Variants in FOXN3 observed in about 807,000 individuals in gnomAD.
FOXN3 encodes forkhead box N3.
Under a neutral mutation model 38.4 loss-of-function variants are expected in FOXN3, and 7 were observed. The observed-to-expected ratio is 0.18, with a 90% CI of 0.10 to 0.34. FOXN3 has a LOEUF of 0.34. Among genes scored for constraint, FOXN3 ranks in the 10% least tolerant of loss-of-function variants. The pLI is 1.00. For synonymous variants in FOXN3, 230 were observed against 242.2 expected, an observed-to-expected ratio of 0.95 and a Z score of 0.47; for missense variants, 456 against 613.4, an observed-to-expected ratio of 0.74 and a Z score of 2.71.
At chr14:89,436,685 T>C (rs1198104069) in intron 1 of FOXN3, among the ~76,000 whole-genome samples, 3 of 152,206 alleles carry the variant, frequency 2.0e-5, no homozygotes, top group African/African-American at 4.8e-5. Flanking sequence ...CAGATACCCA[T>C]GGAGAGTTAG....
intron 1 of FOXN3, among the ~76,000 whole-genome samples, chr14:89,528,410 G>GCAAAAAAAAAA (rs1894478634): frequency 1.9e-4 from 6 of 31,506 alleles, no homozygotes; most frequent in African/African-American, 7.4e-4. Flanking sequence ...TTTTTTTTTT[G>GCAAAAAAAAAA]AAAAAGAAAG....
At chr14:89,581,580 G>A (rs1053192674) in intron 1 of FOXN3, among the ~76,000 whole-genome samples, 3 of 152,044 alleles carry the variant, frequency 2.0e-5, no homozygotes, top group Non-Finnish European at 2.9e-5. Context: ...ACTATTCCCC[G>A]GTACCTGCTC....
rs187839456 is a variant in FOXN3, at chr14:89,472,160, C to T, written c.-14-59670G>A. On this transcript the variant is annotated intron_variant, in intron 1 of 6. Coordinates refer to the FOXN3 transcript ENST00000345097. Reference sequence around the variant, plus strand: ...ATCCCAGCTACTCTGGAGGCTGAGGCAGGAGAATCGCTGGAACCCAGCAGG... The same window carrying T: ...ATCCCAGCTACTCTGGAGGCTGAGGTAGGAGAATCGCTGGAACCCAGCAGG... Among the ~76,000 whole-genome samples, 74 of 151,624 alleles carry T rather than the reference C, an allele frequency of 4.9e-4. No homozygotes were observed. In the East Asian group the frequency reaches 8.6e-3, roughly 18 times the overall value.
At chr14:89,609,418 G>A (rs2139951837) in intron 1 of FOXN3, among the ~76,000 whole-genome samples, 1 of 152,176 alleles carries the variant, frequency 6.6e-6, no homozygotes, top group African/African-American at 2.4e-5. Context: ...GCCCAGGCTG[G>A]CATCAAGGTT....
chr14:89,527,704 ATT>A (rs1555358781), intron 1 of FOXN3, among the ~76,000 whole-genome samples: 2 of 118,822 alleles, frequency 1.7e-5, no homozygotes, highest in Admixed American at 7.8e-5. Flanking sequence ...ACAATGGCTA[ATT>A]TTTTTTTTTT....
At position 89,326,521 on chromosome 14, in the gene FOXN3, C is replaced by T. The variant is rs376899277; in HGVS notation, c.680+24151G>A. Among the ~76,000 whole-genome samples the T allele has an allele frequency of 4.8e-3, 730 of 152,256 alleles. 2 individuals are homozygous for T. The highest frequency in any genetic ancestry group is 8.2e-3 in the Non-Finnish European group (558 of 68,016). ...CAAGAGTGGTGCACACACTCACAGG[C>T]GCACTGGACTTTAGTCAAAAGTAAT... On this transcript the variant is annotated intron_variant, in intron 3 of 5. Coordinates refer to ENST00000557258, the MANE Select transcript of FOXN3 (RefSeq NM_005197.4).
chr14:89,435,791 T>C (rs948766480), intron 1 of FOXN3, among the ~76,000 whole-genome samples: 2 of 152,102 alleles, frequency 1.3e-5, no homozygotes, highest in Admixed American at 6.5e-5. Flanking sequence ...AAATTAAACC[T>C]CTCACAGATT....
chr14:89,467,621 CTTT>C (rs779424121), intron 1 of FOXN3, among the ~76,000 whole-genome samples: 3 of 138,534 alleles, frequency 2.2e-5, no homozygotes, highest in Admixed American at 7.2e-5. Flanking sequence ...TTCCCTCTTG[CTTT>C]TTTTTTTTTT....
chr14:89,385,510 A>AG (rs1297649699), intron 2 of FOXN3, among the ~76,000 whole-genome samples: 3 of 150,826 alleles, frequency 2.0e-5, no homozygotes, highest in Non-Finnish European at 4.4e-5. Context: ...AAAAAAAAAA[A>AG]AAAAAAAAAA....
intron 3 of FOXN3, among the ~76,000 whole-genome samples, chr14:89,313,296 C>T (rs1336617225): frequency 6.6e-6 from 1 of 152,160 alleles, no homozygotes; most frequent in Non-Finnish European, 1.5e-5. Context: ...CCGGGCGCAG[C>T]GGCTCACACC....
chr14:89,614,457 C>A (rs141454232), intron 1 of FOXN3, among the ~76,000 whole-genome samples: 1 of 152,098 alleles, frequency 6.6e-6, no homozygotes, highest in African/African-American at 2.4e-5. Context: ...TCTGTATGTA[C>A]GTAGGCTTCC....
At chr14:89,294,468 G>A (rs1181253156) in intron 3 of FOXN3, among the ~76,000 whole-genome samples, 3 of 152,200 alleles carry the variant, frequency 2.0e-5, no homozygotes, top group Non-Finnish European at 4.4e-5. Context: ...CTGAACCACA[G>A]CAACTCCATC....
At chr14:89,396,493 G>T (rs1018166810) in intron 2 of FOXN3, among the ~76,000 whole-genome samples, 1 of 152,166 alleles carries the variant, frequency 6.6e-6, no homozygotes, top group Non-Finnish European at 1.5e-5. Flanking sequence ...AGTATGATGG[G>T]GACCACATCA....
Position 89,162,586 on chromosome 14 carries a change from G to C in FOXN3, c.1235C>G (p.Thr412Arg). ...GGTGCGTCTCTTTTTGAGGGGCAGT[G>C]TGTCGCTGGGGACCTTCCTGGCCTT... Reference protein sequence around the residue: ...FAKARKVPSDTLPLKKRRTEK... With the variant: ...FAKARKVPSDRLPLKKRRTEK... Residue 412 changes from threonine to arginine, a missense_variant, in exon 6 of 6, where the codon ACA (threonine) becomes AGA (arginine). Physicochemically the swap from Thr to Arg is moderately conservative, Grantham distance 71. This residue lies in a region of FOXN3 where 386 missense variants were observed against 505.2 expected (regional missense o/e 0.76). Transcript: ENST00000557258. This position sits in a 1 kb window ranked among gnomAD's most constrained non-coding sequence, Gnocchi z 7.2. 1 of 1,614,020 alleles carries C rather than the reference G, an allele frequency of 6.2e-7. No individual in the cohort carries two copies. The highest frequency in any genetic ancestry group is 8.5e-7 in the Non-Finnish European group (1 of 1,180,000).
intron 3 of FOXN3, among the ~76,000 whole-genome samples, chr14:89,327,245 A>C (rs1215674630): frequency 6.6e-6 from 1 of 152,220 alleles, no homozygotes; most frequent in Non-Finnish European, 1.5e-5. Context: ...TACACTAAGG[A>C]GAGAAGAATG....
chr14:89,517,063 G>T (rs1337396037), intron 1 of FOXN3, among the ~76,000 whole-genome samples: 1 of 152,038 alleles, frequency 6.6e-6, no homozygotes, highest in Non-Finnish European at 1.5e-5. Context: ...ACATTTAGTT[G>T]CCTCTTCGGC....
At chr14:89,176,829 C>T (rs1887530926) in intron 5 of FOXN3, among the ~76,000 whole-genome samples, 1 of 152,070 alleles carries the variant, frequency 6.6e-6, no homozygotes, top group Admixed American at 6.5e-5. Context: ...CTACTACCTG[C>T]CCTACAAAAA....
chr14:89,563,485 T>A (rs1030955217), intron 1 of FOXN3, among the ~76,000 whole-genome samples: 3 of 152,170 alleles, frequency 2.0e-5, no homozygotes, highest in Non-Finnish European at 4.4e-5. Flanking sequence ...GGCAGGCCTA[T>A]GAGAGCCAAA....
chr14:89,533,620 C>A (rs371170279), intron 1 of FOXN3, among the ~76,000 whole-genome samples: 1 of 134,620 alleles, frequency 7.4e-6, no homozygotes, highest in Non-Finnish European at 1.5e-5. Flanking sequence ...GGAGATCGCA[C>A]CACTGCACTC....
Sources: gnomAD v4.1 joint callset for allele counts (sites outside exome capture counted in the v4.1 genomes callset) on GRCh38, gnomAD v4.1.1 for gene constraint, gnomAD v4.1.1 regional missense constraint, Gnocchi (gnomAD v3.1) non-coding constraint, MANE v1.5 for transcripts, NCBI Gene and HGNC (gene_info 2026-07-23, HGNC 2026-07-21) for gene names.